The following ANKRD62 variants were observed in gnomAD, a reference collection of about 807,000 sequenced individuals.
ANKRD62 encodes the protein ankyrin repeat domain 62, also known as ankyrin repeat domain-containing protein 62.
ANKRD62 carries 61 observed loss-of-function variants against 98.8 expected under a neutral mutation model. The ratio of observed to expected loss-of-function variants is 0.62; its 90% CI spans 0.50 to 0.76. The LOEUF is 0.76. Ranked by LOEUF, ANKRD62 falls within the 30% of genes least tolerant of loss-of-function variation. The pLI is 0.00. For missense variants in ANKRD62, 933 were observed against 1,082.9 expected, an observed-to-expected ratio of 0.86 and a Z score of 1.94; for synonymous variants, 341 against 367.9, an observed-to-expected ratio of 0.93 and a Z score of 0.84.
chr18:12,093,910 TG>T lies in ANKRD62; in HGVS notation c.-106del. 1 of 1,091,338 alleles carries T rather than the reference TG, an allele frequency of 9.2e-7. No individual in the cohort carries two copies. The highest frequency in any genetic ancestry group is 1.3e-6 in the Non-Finnish European group (1 of 755,208). The allele number at this position is 1,091,338 out of a possible 1,614,324, so 67.6% of individuals were successfully genotyped here. On this transcript the variant is annotated 5_prime_UTR_variant, in exon 1 of 14. Transcript: ENST00000587848. ...GAGTGTCCCTGACGGAGGTTGCGGC[TG>T]GACCTGGTTACGTGCTGGTGCTGCG...
At chr18:12,120,985 T>G (rs781118883) in intron 10 of ANKRD62, among the ~76,000 whole-genome samples, 7 of 152,174 alleles carry the variant, frequency 4.6e-5, no homozygotes, top group Non-Finnish European at 7.4e-5. Context: ...TTAGAATTTT[T>G]GGGCCAATTA....
chr18:12,175,391 A>T, the ANKRD62 span, among the ~76,000 whole-genome samples: 1 of 151,820 alleles, frequency 6.6e-6, no homozygotes, highest in Non-Finnish European at 1.5e-5. Context: ...GGCTGACTGC[A>T]CTCTTGCTGC....
the ANKRD62 span, among the ~76,000 whole-genome samples, chr18:12,168,403 A>C: frequency 6.6e-6 from 1 of 152,104 alleles, no homozygotes; most frequent in Non-Finnish European, 1.5e-5. Flanking sequence ...TCCTTTCCCC[A>C]TTGCTTGTTT....
At chr18:12,158,465 A>C in the ANKRD62 span, among the ~76,000 whole-genome samples, 1 of 152,256 alleles carries the variant, frequency 6.6e-6, no homozygotes, top group Non-Finnish European at 1.5e-5. Flanking sequence ...AGATATTGCA[A>C]ATAGGATTAC....
chr18:12,102,131 A>G lies in ANKRD62; in HGVS notation c.821-1027A>G, dbSNP rs2143899855. On this transcript the variant is annotated intron_variant, in intron 6 of 13. Coordinates refer to ENST00000587848, the MANE Select transcript of ANKRD62 (RefSeq NM_001277333.2). The stretch of plus-strand genomic sequence containing the variant: ...TTCTGCAAGGCATCCCCATGAACAT[A>G]GTCAGTAACAACTTGTCCAAGGCCC... The G allele has an allele frequency of 2.3e-6, 3 of 1,292,642 alleles. No individual in the cohort carries two copies. The East Asian group carries it at 6.9e-5, about 30-fold the overall frequency. The allele number at this position is 1,292,642 out of a possible 1,614,324, so 80.1% of individuals were successfully genotyped here. A position where few individuals can be genotyped will look rare whatever the true frequency, so the allele number is the denominator to read the frequency against.
intron 10 of ANKRD62, among the ~76,000 whole-genome samples, chr18:12,119,341 T>G (rs943752251): frequency 1.5e-5 from 1 of 68,084 alleles, no homozygotes; most frequent in Non-Finnish European, 2.8e-5. Flanking sequence ...GTTGCTGATC[T>G]TCTTCTTTTT....
At chr18:12,126,817 A>C (rs1400836893) in intron 13 of ANKRD62, among the ~76,000 whole-genome samples, 1 of 152,332 alleles carries the variant, frequency 6.6e-6, no homozygotes, top group South Asian at 2.1e-4. Context: ...GATGAACTAA[A>C]GTGTATTTCC....
downstream of ANKRD62, among the ~76,000 whole-genome samples, chr18:12,131,085 G>A (rs767979966): frequency 6.6e-6 from 1 of 152,168 alleles, no homozygotes; most frequent in African/African-American, 2.4e-5. Flanking sequence ...GACCTTTCCC[G>A]TTGTGGTATC....
At chr18:12,179,646 A>G in the ANKRD62 span, among the ~76,000 whole-genome samples, 3 of 151,444 alleles carry the variant, frequency 2.0e-5, no homozygotes, top group African/African-American at 7.3e-5. Context: ...TGCCTGGAAC[A>G]CTGTCCTTAC....
chr18:12,144,942 G>A, the ANKRD62 span, among the ~76,000 whole-genome samples: 3 of 141,984 alleles, frequency 2.1e-5, no homozygotes, highest in Non-Finnish European at 4.6e-5. Flanking sequence ...TCAGGAGTTC[G>A]AGGCCAGCTG....
the ANKRD62 span, among the ~76,000 whole-genome samples, chr18:12,173,945 G>A: frequency 6.6e-6 from 1 of 152,096 alleles, no homozygotes; most frequent in East Asian, 1.9e-4. Context: ...TTCAACCTTG[G>A]AGAGTATCTG....
At chr18:12,098,083 T>C (rs989128018) in intron 5 of ANKRD62, among the ~76,000 whole-genome samples, 11 of 152,236 alleles carry the variant, frequency 7.2e-5, no homozygotes, top group Non-Finnish European at 1.5e-4. Context: ...GATGTTCAGA[T>C]AGTGTTGCAG....
chr18:12,116,961 C>T (rs955100429), intron 10 of ANKRD62, among the ~76,000 whole-genome samples: 47 of 152,150 alleles, frequency 3.1e-4, no homozygotes, highest in African/African-American at 1.1e-3. Flanking sequence ...TTAGTGTATA[C>T]GTCTTTCTAT....
chr18:12,177,662 C>T, the ANKRD62 span, among the ~76,000 whole-genome samples: 1 of 151,810 alleles, frequency 6.6e-6, no homozygotes, highest in Non-Finnish European at 1.5e-5. Flanking sequence ...TTGTTCTCTT[C>T]CCCCTATCCC....
At chr18:12,115,747 G>GAC (rs931851445) in intron 10 of ANKRD62, among the ~76,000 whole-genome samples, 3 of 152,166 alleles carry the variant, frequency 2.0e-5, no homozygotes, top group African/African-American at 7.2e-5. Flanking sequence ...CAGTGTGAAT[G>GAC]ACACTCCCAA....
At chr18:12,156,520 A>G in the ANKRD62 span, among the ~76,000 whole-genome samples, 3 of 152,176 alleles carry the variant, frequency 2.0e-5, no homozygotes, top group African/African-American at 7.2e-5. Flanking sequence ...GGTAAAGAAC[A>G]GTATTTTTAA....
chr18:12,112,374 T>C lies in ANKRD62; in HGVS notation c.1065-2714T>C, dbSNP rs368723878. 7.9e-5 allele frequency among the ~76,000 whole-genome samples: 12 copies of C among 152,188 alleles called. No homozygotes were observed. In the East Asian group the frequency reaches 2.1e-3, roughly 27 times the overall value. ...TGGCACTGGTTCAAAAACAGACACA[T>C]GGACCAGTTGAACAGAATAGAGAAC... On this transcript the variant is annotated intron_variant, in intron 8 of 13. Coordinates refer to ENST00000587848, the MANE Select transcript of ANKRD62 (RefSeq NM_001277333.2).
chr18:12,155,732 T>C, the ANKRD62 span, among the ~76,000 whole-genome samples: 1 of 152,190 alleles, frequency 6.6e-6, no homozygotes, highest in East Asian at 1.9e-4. Context: ...TTCTACCTAA[T>C]GTCTTTAGGT....
At chr18:12,097,516 A>G in intron 4 of ANKRD62, 124 bp from the exon 5 acceptor site, 2 of 1,061,762 alleles carry the variant, frequency 1.9e-6, no homozygotes, top group Non-Finnish European at 2.6e-6. Context: ...GTTTGTGTTT[A>G]TTAGTACATG....
Sources: gnomAD v4.1 joint callset for allele counts (sites outside exome capture counted in the v4.1 genomes callset) on GRCh38, gnomAD v4.1.1 for gene constraint, MANE v1.5 for transcripts, NCBI Gene and HGNC (gene_info 2026-07-23, HGNC 2026-07-21) for gene names.